FLT4: variants seen among roughly 807,000 people sequenced by gnomAD.
FLT4 encodes the protein fms related receptor tyrosine kinase 4.
In FLT4, 30 loss-of-function variants were observed where a neutral mutation model predicts 163.2. The ratio of observed to expected loss-of-function variants is 0.18; its 90% CI spans 0.14 to 0.25. FLT4 has a LOEUF of 0.25. FLT4 is among the 10% of genes least tolerant of loss of function. FLT4 has a pLI of 1.00. For synonymous variants in FLT4, 884 were observed against 789.5 expected, an observed-to-expected ratio of 1.12 and a Z score of -2.01; for missense variants, 1,510 against 1,863.8, an observed-to-expected ratio of 0.81 and a Z score of 3.50.
chr5:180,611,521 C>A (rs376846156), intron 26 of FLT4, 42 bp from the exon 27 acceptor site: 9 of 1,609,944 alleles, frequency 5.6e-6, no homozygotes, highest in East Asian at 2.2e-5. Context: ...AAACCACCAG[C>A]CACTGCCCTC....
At chr5:180,649,220 G>A (rs1765629907) in intron 1 of FLT4, among the ~76,000 whole-genome samples, 1 of 151,886 alleles carries the variant, frequency 6.6e-6, no homozygotes, top group Non-Finnish European at 1.5e-5. Flanking sequence ...CGACGGAGAC[G>A]CGGATTCAGG....
Position 180,630,467 on chromosome 5 carries a change from C to T in FLT4, c.400+88G>A, listed in dbSNP as rs1764014987. 3 of 1,593,038 alleles carry T rather than the reference C, an allele frequency of 1.9e-6. No individual in the cohort carries two copies. The highest frequency in any genetic ancestry group is 2.6e-6 in the Non-Finnish European group (3 of 1,169,586). ...GCAGGTAGGGCCCCGTTCTCTCCTC[C>T]TGCCAGCCCAGGGTCCACAGGCTGG... is the stretch of plus-strand genomic sequence containing the variant. On this transcript the variant is annotated intron_variant, in intron 3 of 29. Coordinates refer to ENST00000261937, the MANE Select transcript of FLT4 (RefSeq NM_182925.5). The surrounding 1 kb of genome is among the most constrained non-coding windows in gnomAD (Gnocchi z 6.3).
At chr5:180,611,750 C>A in intron 26 of FLT4, 1 of 562,108 alleles carries the variant, frequency 1.8e-6, no homozygotes, top group Non-Finnish European at 3.2e-6. Flanking sequence ...ATGCCAGAAA[C>A]CAGCACATCT....
intron 1 of FLT4, among the ~76,000 whole-genome samples, chr5:180,637,593 C>A (rs929824190): frequency 6.6e-6 from 1 of 152,048 alleles, no homozygotes; most frequent in Non-Finnish European, 1.5e-5. Flanking sequence ...AGTGCAGTGG[C>A]GTGATCTCGG....
intron 1 of FLT4, among the ~76,000 whole-genome samples, chr5:180,638,482 G>A (rs536211577): frequency 1.7e-4 from 26 of 152,276 alleles, no homozygotes; most frequent in Non-Finnish European, 3.4e-4. Flanking sequence ...CGCTCTTGTC[G>A]TCCTCCAGGC....
chr5:180,620,236 GCTCCTCCAGAGGCAC>G lies in FLT4; in HGVS notation c.2464_2478del (p.Val822_Glu826del), dbSNP rs760370607. The G allele has an allele frequency of 1.9e-6, 3 of 1,611,838 alleles. No individual in the cohort carries two copies. In the Admixed American group the frequency reaches 5.0e-5, roughly 27 times the overall value. ...GCATCGTAGGACAGGTATTCGCATT[GCTCCTCCAGAGGCAC>G]CTCCCCGGGGTCCATGATGATGGAC... On this transcript the variant is annotated inframe_deletion, in exon 17 of 30. Transcript: ENST00000261937. The surrounding 1 kb of genome is among the most constrained non-coding windows in gnomAD (Gnocchi z 4.4).
Position 180,636,786 on chromosome 5 carries a change from G to T in FLT4, c.59-5008C>A, listed in dbSNP as rs550766856. 1.3e-5 allele frequency among the ~76,000 whole-genome samples: 2 copies of T among 151,930 alleles called. No individual in the cohort carries two copies. The highest frequency in any genetic ancestry group is 4.2e-4 in the South Asian group (2 of 4,804). ...CCCTGTTCTTGATCCACATCCTTCAGCCTCATCAAAGCCCCCACTGCTTCC... is the reference window on the plus strand; with the variant it reads ...CCCTGTTCTTGATCCACATCCTTCATCCTCATCAAAGCCCCCACTGCTTCC... On this transcript the variant is annotated intron_variant, in intron 1 of 29. Coordinates refer to ENST00000261937, the MANE Select transcript of FLT4 (RefSeq NM_182925.5). This position sits in a 1 kb window ranked among gnomAD's most constrained non-coding sequence, Gnocchi z 4.3.
intron 29 of FLT4, among the ~76,000 whole-genome samples, chr5:180,607,688 T>C (rs959859132): frequency 4.1e-5 from 6 of 146,894 alleles, no homozygotes; most frequent in Admixed American, 6.8e-5. Flanking sequence ...ATAAAGAAAA[T>C]AGAATAAGAA....
intron 29 of FLT4, among the ~76,000 whole-genome samples, chr5:180,605,435 G>A (rs1761735608): frequency 6.6e-6 from 1 of 152,060 alleles, no homozygotes; most frequent in Non-Finnish European, 1.5e-5. Flanking sequence ...TCGTTTTCCT[G>A]TTTCTTTTGA....
At position 180,608,837 on chromosome 5, in the gene FLT4, C is replaced by T. The variant is rs564100331; in HGVS notation, c.3893+131G>A. ...GGGGTCTCAGGCAGCTCACCTTGAA[C>T]GCGCGAAAAGGCCATAGGGAGCCAC... On this transcript the variant is annotated intron_variant, in intron 29 of 29. Coordinates refer to ENST00000261937, the MANE Select transcript of FLT4 (RefSeq NM_182925.5). 4.0e-3 allele frequency: 3,210 copies of T among 793,498 alleles called. 6 individuals are homozygous for T. The highest frequency in any genetic ancestry group is 5.8e-3 in the Non-Finnish European group (2,596 of 449,764). The allele number at this position is 793,498 out of a possible 1,614,324, so 49.2% of individuals were successfully genotyped here.
At chr5:180,645,185 G>A (rs1581719026) in intron 1 of FLT4, among the ~76,000 whole-genome samples, 1 of 152,248 alleles carries the variant, frequency 6.6e-6, no homozygotes, top group South Asian at 2.1e-4. Flanking sequence ...GCAGAATGGA[G>A]ACAAATTTCT....
intron 1 of FLT4, among the ~76,000 whole-genome samples, chr5:180,644,654 G>A (rs994750110): frequency 7.5e-4 from 115 of 152,360 alleles, no homozygotes; most frequent in African/African-American, 2.6e-3. Context: ...TCTGCGTGAC[G>A]AGGTTAAAAC....
At position 180,636,725 on chromosome 5, in the gene FLT4, CG is replaced by C. The variant is rs1204494973; in HGVS notation, c.59-4948del. 1.3e-5 allele frequency among the ~76,000 whole-genome samples: 2 copies of C among 152,044 alleles called. No individual in the cohort carries two copies. The highest frequency in any genetic ancestry group is 3.9e-4 in the East Asian group (2 of 5,172). ...GTCATCACCAGAGACCGCGCCATCC[CG>C]GAACACCTGTCTTCTACGTCTCTCT... On this transcript the variant is annotated intron_variant, in intron 1 of 29. Coordinates refer to ENST00000261937, the MANE Select transcript of FLT4 (RefSeq NM_182925.5). The surrounding 1 kb of genome is among the most constrained non-coding windows in gnomAD (Gnocchi z 4.3).
intron 1 of FLT4, among the ~76,000 whole-genome samples, chr5:180,632,387 G>C (rs1764251293): frequency 6.6e-6 from 1 of 151,754 alleles, no homozygotes; most frequent in Admixed American, 6.6e-5. Context: ...CACAGACCCT[G>C]CTGGCTGCCC....
chr5:180,612,887 G>C (rs1262176945), intron 25 of FLT4, 124 bp downstream of exon 25: 2 of 744,044 alleles, frequency 2.7e-6, no homozygotes, highest in South Asian at 1.6e-5. Context: ...CGTGTATCTT[G>C]AGGGTGGTGC....
intron 1 of FLT4, among the ~76,000 whole-genome samples, chr5:180,634,787 T>G: frequency 1.4e-5 from 1 of 72,820 alleles, no homozygotes. Flanking sequence ...AATGGACGGA[T>G]GAGTGGACAG....
intron 1 of FLT4, among the ~76,000 whole-genome samples, chr5:180,644,846 G>A (rs1765394653): frequency 6.6e-6 from 1 of 152,246 alleles, no homozygotes; most frequent in Non-Finnish European, 1.5e-5. Flanking sequence ...GGGTGATGAT[G>A]GGGGCTTCCC....
intron 29 of FLT4, chr5:180,608,095 C>G: frequency 1.4e-6 from 1 of 700,440 alleles, no homozygotes; most frequent in East Asian, 2.7e-5. Context: ...CTAACCCCTC[C>G]CTGTGGTGCT....
rs1237520739 is a variant in FLT4 at position 180,649,550 on chromosome 5, G to A, written c.-5C>T. 2 of 1,431,158 alleles carry A rather than the reference G, an allele frequency of 1.4e-6. No homozygotes were observed. The highest frequency in any genetic ancestry group is 9.2e-7 in the Non-Finnish European group (1 of 1,090,956). The allele number at this position is 1,431,158 out of a possible 1,614,324, so 88.7% of individuals were successfully genotyped here. On this transcript the variant is annotated 5_prime_UTR_variant, in exon 1 of 30. Coordinates refer to ENST00000261937, the MANE Select transcript of FLT4 (RefSeq NM_182925.5). The stretch of plus-strand genomic sequence containing the variant: ...CAGCGCGGCGCCCCGCTGCATCTCC[G>A]GCCGCTGCGCGTGGGTCCGACCCGA...
Sources: allele counts gnomAD v4.1 joint callset (sites outside exome capture counted in the v4.1 genomes callset), GRCh38; gene constraint gnomAD v4.1.1; non-coding constraint Gnocchi (gnomAD v3.1); transcripts MANE v1.5; gene names NCBI Gene and HGNC (gene_info 2026-07-23, HGNC 2026-07-21).